The following SYBU variants were observed in gnomAD, a reference collection of about 807,000 sequenced individuals.
SYBU encodes GOLSYN A protein.
Under a neutral mutation model 35.9 loss-of-function variants are expected in SYBU, and 21 were observed. The observed-to-expected ratio is 0.58, with a 90% CI of 0.41 to 0.84. The LOEUF (loss-of-function observed/expected upper bound fraction) is 0.84, where lower values mean the gene tolerates loss of function less well. Among genes scored for constraint, SYBU ranks in the 40% least tolerant of loss-of-function variants. The pLI, the probability that SYBU is intolerant of heterozygous loss-of-function variation, is 0.00. For synonymous variants in SYBU, 319 were observed against 324.3 expected (o/e 0.98, Z 0.18); for missense variants, 768 against 848.2 (o/e 0.91, Z 1.17).
At chr8:109,667,880 T>G (rs569395718) in intron 1 of SYBU, among the ~76,000 whole-genome samples, 42 of 152,322 alleles carry the variant, frequency 2.8e-4, no homozygotes, top group Middle Eastern at 3.4e-3. Flanking sequence ...ACAGTTTAAG[T>G]AGAAGCATAT....
At chr8:109,629,303 C>A (rs73319103) in intron 2 of SYBU, among the ~76,000 whole-genome samples, 4,332 of 152,308 alleles carry the variant, frequency 0.028, 206 homozygotes, top group African/African-American at 0.098. Flanking sequence ...TACTGAGTGC[C>A]TATTAACTAC....
At chr8:109,686,707 G>T (rs1014489697) in intron 1 of SYBU, among the ~76,000 whole-genome samples, 4 of 134,992 alleles carry the variant, frequency 3.0e-5, no homozygotes, top group Non-Finnish European at 4.6e-5. Context: ...AACCTAAATT[G>T]ATTTTTAAGG....
intron 5 of SYBU, among the ~76,000 whole-genome samples, 177 bp from the exon 6 acceptor site, chr8:109,578,194 G>T (rs1052547785): frequency 2.0e-5 from 3 of 152,182 alleles, no homozygotes; most frequent in African/African-American, 7.2e-5. Flanking sequence ...AGCCCATAAG[G>T]GTGAAGCCTT....
intron 1 of SYBU, among the ~76,000 whole-genome samples, chr8:109,658,817 G>T (rs1053709318): frequency 8.5e-5 from 13 of 152,164 alleles, no homozygotes; most frequent in Non-Finnish European, 4.4e-5. Flanking sequence ...AGCTGGGCGT[G>T]GTGGCGCACG....
intron 1 of SYBU, among the ~76,000 whole-genome samples, chr8:109,651,001 G>A (rs1430516773): frequency 9.9e-5 from 15 of 152,200 alleles, no homozygotes; most frequent in Non-Finnish European, 1.5e-4. Flanking sequence ...GAAATTCTAA[G>A]TGGCATATGG....
chr8:109,619,149 C>G, intron 2 of SYBU, 110 bp from the exon 3 acceptor site: 1 of 767,500 alleles, frequency 1.3e-6, no homozygotes, highest in Non-Finnish European at 2.2e-6. Flanking sequence ...CACGTACACT[C>G]TGCTTATGAA....
At chr8:109,644,204 C>T in intron 1 of SYBU, 1 of 467,978 alleles carries the variant, frequency 2.1e-6, no homozygotes, top group Non-Finnish European at 4.3e-6. Flanking sequence ...ATTCGCCCTG[C>T]ACATCTGCCG....
At position 109,642,768 on chromosome 8, in the gene SYBU, C is replaced by T; in HGVS notation, c.189G>A (p.Gly63=). ...TGCTGCTAACGGTCCTCGCTGAGCG[C>T]CCAGAGCTGCTGGGGTTGAACTCTC... ...ESREFNPSSS[G]RSARTVSSNS... The change falls in exon 2 of 7, where the codon GGG becomes GGA. Residue 63 remains glycine (G), a synonymous_variant. Transcript: ENST00000276646. The T allele has an allele frequency of 6.2e-7, 1 of 1,612,412 alleles. No homozygotes were observed.
chr8:109,678,434 C>CTTTTTT (rs10717299), intron 1 of SYBU, among the ~76,000 whole-genome samples: 3 of 58,360 alleles, frequency 5.1e-5, no homozygotes, highest in Non-Finnish European at 6.5e-5. Context: ...TTCAAATAAC[C>CTTTTTT]TTTTTTTTTT....
intron 3 of SYBU, 27 bp from the exon 4 acceptor site, chr8:109,586,189 C>T (rs751747802): frequency 5.2e-6 from 8 of 1,544,920 alleles, no homozygotes; most frequent in South Asian, 1.2e-5. Context: ...GAGAGAGAAG[C>T]GTGAGGGAAA....
upstream of SYBU, chr8:109,644,966 C>T (rs1586936364): frequency 1.9e-6 from 1 of 516,606 alleles, no homozygotes; most frequent in Non-Finnish European, 3.5e-6. Context: ...GCCCCACCCG[C>T]CCGATTTCCC....
At chr8:109,609,041 T>C (rs1224294741) in intron 3 of SYBU, among the ~76,000 whole-genome samples, 1 of 152,212 alleles carries the variant, frequency 6.6e-6, no homozygotes, top group Non-Finnish European at 1.5e-5. Flanking sequence ...TATTTCCTTA[T>C]GTTACCAAAT....
chr8:109,578,096 C>G, intron 5 of SYBU, 79 bp from the exon 6 acceptor site: 1 of 1,422,606 alleles, frequency 7.0e-7, no homozygotes, highest in Non-Finnish European at 9.6e-7. Context: ...AGAGTGTTAT[C>G]AACTGAATGT....
chr8:109,638,208 G>T (rs1050537509), intron 2 of SYBU, among the ~76,000 whole-genome samples: 1 of 152,178 alleles, frequency 6.6e-6, no homozygotes, highest in East Asian at 1.9e-4. Context: ...AGTTCTAAGG[G>T]GGTAATTATT....
chr8:109,686,537 C>T (rs527753688), intron 1 of SYBU, among the ~76,000 whole-genome samples: 1 of 152,182 alleles, frequency 6.6e-6, no homozygotes, highest in Non-Finnish European at 1.5e-5. Flanking sequence ...ATTAATGGTG[C>T]AAAATTGATG....
At chr8:109,597,946 G>A (rs78810514) in intron 3 of SYBU, among the ~76,000 whole-genome samples, 3,674 of 152,294 alleles carry the variant, frequency 0.024, 149 homozygotes, top group African/African-American at 0.084. Context: ...TTCCCAGGTG[G>A]TGCTGATGCT....
Position 109,574,974 on chromosome 8 carries a change from A to C in SYBU, c.1924T>G (p.Leu642Val). ...GCAACCACGCAACAGCCCCTGAGCA[A>C]GGCCCCGATGTTATACACAGGATCC... The part of the protein sequence containing the change: ...GTDPVYNIGA[L>V]LRGCCVVALH... The change falls in exon 7 of 7, where the codon TTG becomes GTG. Residue 642 changes from leucine (L) to valine (V), a missense_variant. Leu to Val is a conservative substitution (Grantham distance 32). Transcript: ENST00000276646. The C allele has an allele frequency of 6.5e-7, 1 of 1,529,432 alleles. No individual in the cohort carries two copies. The highest frequency in any genetic ancestry group is 8.8e-7 in the Non-Finnish European group (1 of 1,138,680). The allele number at this position is 1,529,432 out of a possible 1,614,324, so 94.7% of individuals were successfully genotyped here.
At chr8:109,580,779 G>A (rs1418712399) in intron 4 of SYBU, 1 of 152,482 alleles carries the variant, frequency 6.6e-6, no homozygotes, top group African/African-American at 2.4e-5. Flanking sequence ...TCCTTAAGAT[G>A]GCTCACAAGG....
At position 109,688,781 on chromosome 8, in the gene SYBU, AAGAG is replaced by A. The variant is rs200579698; in HGVS notation, c.-58+2548_-58+2551del. On this transcript the variant is annotated intron_variant, in intron 1 of 7. Transcript: ENST00000422135. ...GTATTTTTACACAGATAAAAAAAAA[AAGAG>A]AGAGAAGAAAATAAAAACACCAGCT... is the stretch of plus-strand genomic sequence containing the variant. Among the ~76,000 whole-genome samples the A allele has an allele frequency of 3.3e-5, 5 of 151,620 alleles. No individual in the cohort carries two copies. In the South Asian group the frequency reaches 8.3e-4, roughly 25 times the overall value.
Sources: allele counts gnomAD v4.1 joint callset (sites outside exome capture counted in the v4.1 genomes callset), GRCh38; gene constraint gnomAD v4.1.1; transcripts MANE v1.5; gene names NCBI Gene and HGNC (gene_info 2026-07-23, HGNC 2026-07-21).